KIF16B: variants seen among roughly 807,000 people sequenced by gnomAD.
The protein encoded by KIF16B is kinesin family member 16B.
Under a neutral mutation model 156.3 loss-of-function variants are expected in KIF16B, and 98 were observed. The observed-to-expected ratio is 0.63, with a 90% CI of 0.53 to 0.74. KIF16B has a LOEUF of 0.74. Ranked by LOEUF, KIF16B falls within the 30% of genes least tolerant of loss-of-function variation. The pLI is 0.00. For synonymous variants in KIF16B, 564 were observed against 583.7 expected (o/e 0.97, Z 0.49); for missense variants, 1,421 against 1,606.5 (o/e 0.88, Z 1.97).
At chr20:16,304,837 T>G (rs2063519657) in intron 25 of KIF16B, among the ~76,000 whole-genome samples, 1 of 152,122 alleles carries the variant, frequency 6.6e-6, no homozygotes, top group Non-Finnish European at 1.5e-5. Flanking sequence ...ACCAAATAAT[T>G]CTATTATTGA....
rs546550325 is a variant in KIF16B, at chr20:16,423,224, C to CA, written c.1612+3879dup. ...ACCCAGGTGTATTAAACAAATATTT[C>CA]AAAAAAATCCTGAAAAATAAAATAA... On this transcript the variant is annotated intron_variant, in intron 15 of 25. Coordinates refer to ENST00000354981, the MANE Select transcript of KIF16B (RefSeq NM_024704.5). 7.2e-5 allele frequency among the ~76,000 whole-genome samples: 11 copies of CA among 151,768 alleles called. No individual in the cohort carries two copies. The East Asian group carries it at 1.7e-3, about 24-fold the overall frequency.
chr20:16,507,111 A>AG, intron 7 of KIF16B, among the ~76,000 whole-genome samples: 1 of 152,186 alleles, frequency 6.6e-6, no homozygotes, highest in Admixed American at 6.5e-5. Context: ...AAAAAAAAAA[A>AG]AAAATTAGAG....
intron 12 of KIF16B, among the ~76,000 whole-genome samples, chr20:16,482,360 T>C (rs1600510533): frequency 6.6e-6 from 1 of 152,034 alleles, no homozygotes; most frequent in Non-Finnish European, 1.5e-5. Flanking sequence ...AAACTGGCTG[T>C]TGTGATACAA....
chr20:16,314,600 G>A (rs2063669033), intron 24 of KIF16B, among the ~76,000 whole-genome samples: 1 of 152,210 alleles, frequency 6.6e-6, no homozygotes. Context: ...CAGCTTACTA[G>A]CTACGTTTCT....
chr20:16,535,414 A>G (rs1302543161), intron 1 of KIF16B, among the ~76,000 whole-genome samples: 2 of 152,224 alleles, frequency 1.3e-5, no homozygotes, highest in Admixed American at 1.3e-4. Flanking sequence ...TTTTCTAAAT[A>G]TAAGATCATG....
intron 17 of KIF16B, among the ~76,000 whole-genome samples, chr20:16,388,897 T>C (rs2065289955): frequency 6.6e-6 from 1 of 152,144 alleles, no homozygotes; most frequent in South Asian, 2.1e-4. Flanking sequence ...ACCTATGATG[T>C]CGTTTCAGTT....
intron 6 of KIF16B, among the ~76,000 whole-genome samples, chr20:16,511,032 C>T (rs1600583963): frequency 6.6e-6 from 1 of 152,260 alleles, no homozygotes; most frequent in East Asian, 1.9e-4. Flanking sequence ...AACACACTTC[C>T]GAAGACGCAA....
intron 23 of KIF16B, among the ~76,000 whole-genome samples, chr20:16,338,767 C>A (rs1052648826): frequency 6.6e-6 from 1 of 152,182 alleles, no homozygotes; most frequent in Non-Finnish European, 1.5e-5. Flanking sequence ...ACAATTGCCA[C>A]CATCAAGTGG....
At chr20:16,368,885 C>G (rs2064747315) in intron 22 of KIF16B, 1 of 985,698 alleles carries the variant, frequency 1.0e-6, no homozygotes, top group African/African-American at 1.7e-5. Flanking sequence ...CCATGTTTAT[C>G]TTTATGAGTC....
At chr20:16,457,743 G>T (rs577354065) in intron 12 of KIF16B, among the ~76,000 whole-genome samples, 3 of 151,946 alleles carry the variant, frequency 2.0e-5, no homozygotes, top group Non-Finnish European at 4.4e-5. Context: ...TCATAGTAAG[G>T]CCTGCCCTAG....
At chr20:16,439,525 G>C (rs150866232) in intron 12 of KIF16B, among the ~76,000 whole-genome samples, 36 of 152,196 alleles carry the variant, frequency 2.4e-4, no homozygotes, top group African/African-American at 8.2e-4. Context: ...GTGCTGTTTA[G>C]TCTGCCTGGA....
chr20:16,294,524 C>A (rs190498988), intron 25 of KIF16B, among the ~76,000 whole-genome samples: 2 of 152,292 alleles, frequency 1.3e-5, no homozygotes, highest in East Asian at 3.9e-4. Context: ...CCATGCAGGA[C>A]GGGAGGCAGG....
At chr20:16,412,104 T>C (rs2065972520) in intron 15 of KIF16B, among the ~76,000 whole-genome samples, 1 of 151,080 alleles carries the variant, frequency 6.6e-6, no homozygotes, top group Non-Finnish European at 1.5e-5. Context: ...TAGAAGAAAA[T>C]AAACTTACAG....
intron 23 of KIF16B, among the ~76,000 whole-genome samples, chr20:16,336,679 A>G (rs2064043983): frequency 6.6e-6 from 1 of 152,128 alleles, no homozygotes; most frequent in Non-Finnish European, 1.5e-5. Flanking sequence ...CATACTCAAC[A>G]TATTCCCTCC....
rs1315779399 is a variant in KIF16B, at chr20:16,378,914, C to A, written c.3088G>T (p.Glu1030Ter). Residue 1030 changes from glutamate to a stop codon, truncating the protein, a stop_gained, in exon 19 of 26, where the codon GAA becomes TAA. Transcript: ENST00000354981. LOFTEE classifies it high-confidence loss of function. ...QRHSTLGMEI[E>*]EQRQKLASLN... ...CTGGCAAGTTTCTGCCTCTGCTCTT[C>A]AATCTCCATGCCCAGGGTGGAGTGC... The A allele has an allele frequency of 3.1e-6, 5 of 1,614,112 alleles. No homozygotes were observed. The highest frequency in any genetic ancestry group is 4.2e-6 in the Non-Finnish European group (5 of 1,179,960).
At chr20:16,362,243 A>G (rs2064565134) in intron 22 of KIF16B, among the ~76,000 whole-genome samples, 1 of 152,216 alleles carries the variant, frequency 6.6e-6, no homozygotes, top group Non-Finnish European at 1.5e-5. Context: ...GCTAAGGCCC[A>G]GGAGAAAATA....
At chr20:16,404,582 T>A (rs1214294742) in intron 17 of KIF16B, among the ~76,000 whole-genome samples, 1 of 152,236 alleles carries the variant, frequency 6.6e-6, no homozygotes, top group Non-Finnish European at 1.5e-5. Context: ...CTTATTATGC[T>A]GTTAAGCAAA....
At chr20:16,354,622 A>G (rs751906609) in intron 23 of KIF16B, among the ~76,000 whole-genome samples, 1 of 152,194 alleles carries the variant, frequency 6.6e-6, no homozygotes, top group Non-Finnish European at 1.5e-5. Flanking sequence ...TTTAAATAAG[A>G]ACCCACATAA....
chr20:16,367,090 G>A, intron 22 of KIF16B: 1 of 1,483,884 alleles, frequency 6.7e-7, no homozygotes, highest in South Asian at 1.4e-5. Flanking sequence ...TTTTCACAAT[G>A]CTTATTTTAT....
Sources: gnomAD v4.1 joint callset for allele counts (sites outside exome capture counted in the v4.1 genomes callset) on GRCh38, gnomAD v4.1.1 for gene constraint, MANE v1.5 for transcripts, NCBI Gene and HGNC (gene_info 2026-07-23, HGNC 2026-07-21) for gene names.